Variants in URB1 observed in about 807,000 individuals in gnomAD.
URB1 encodes nucleolar pre-ribosomal-associated protein 1.
URB1 carries 197 observed loss-of-function variants against 242.3 expected under a neutral mutation model. That is an observed-to-expected ratio of 0.81 (90% CI 0.72 to 0.91). The LOEUF is 0.91. Ranked by LOEUF, URB1 falls within the 40% of genes least tolerant of loss-of-function variation. The pLI is 0.00. For synonymous variants in URB1, 1,153 were observed against 1,201.8 expected, an observed-to-expected ratio of 0.96 and a Z score of 0.84; for missense variants, 2,721 against 2,860.5, an observed-to-expected ratio of 0.95 and a Z score of 1.11.
chr21:32,357,327 A>AC (rs1284194122), intron 15 of URB1, among the ~76,000 whole-genome samples: 1 of 152,162 alleles, frequency 6.6e-6, no homozygotes, highest in Non-Finnish European at 1.5e-5. Flanking sequence ...AAAAAAAAAA[A>AC]AAAAACATTT....
intron 15 of URB1, among the ~76,000 whole-genome samples, chr21:32,356,540 A>C (rs1215349346): frequency 6.6e-6 from 1 of 152,184 alleles, no homozygotes; most frequent in Non-Finnish European, 1.5e-5. Flanking sequence ...TAAATGTGTA[A>C]AACTTGACCC....
chr21:32,341,295 CCT>C (rs1398785876), intron 25 of URB1, among the ~76,000 whole-genome samples, 169 bp downstream of exon 25: 5 of 152,128 alleles, frequency 3.3e-5, no homozygotes, highest in East Asian at 1.9e-4. Flanking sequence ...TCAGAAGCAC[CCT>C]GTGTCAAGAG....
intron 37 of URB1, 78 bp downstream of exon 37, chr21:32,317,598 C>CAG: frequency 1.3e-6 from 2 of 1,505,170 alleles, no homozygotes; most frequent in Non-Finnish European, 1.8e-6. Context: ...GGCTGAGAGA[C>CAG]AGAGAGAGAG....
intron 37 of URB1, 95 bp downstream of exon 37, chr21:32,317,581 G>C: frequency 6.8e-7 from 1 of 1,478,386 alleles, no homozygotes; most frequent in Non-Finnish European, 9.0e-7. Flanking sequence ...ATTAGCTTTG[G>C]AAATGTGGCT....
intron 31 of URB1, 98 bp from the exon 32 acceptor site, chr21:32,324,700 G>A (rs1045391562): frequency 1.2e-6 from 1 of 859,466 alleles, no homozygotes; most frequent in Admixed American, 2.1e-5. Context: ...GGCAGGGTGT[G>A]CCTGCTTCTC....
intron 5 of URB1, among the ~76,000 whole-genome samples, chr21:32,376,849 A>C (rs1035399086): frequency 2.6e-5 from 4 of 152,076 alleles, no homozygotes; most frequent in African/African-American, 9.7e-5. Context: ...TGGTAGAGAC[A>C]GAATCTCACT....
At chr21:32,380,506 G>T (rs2033511290) in intron 4 of URB1, among the ~76,000 whole-genome samples, 1 of 152,222 alleles carries the variant, frequency 6.6e-6, no homozygotes, top group Non-Finnish European at 1.5e-5. Context: ...CAACACTCCA[G>T]TGCCTTAACC....
At chr21:32,388,930 G>A (rs530350612) in intron 1 of URB1, among the ~76,000 whole-genome samples, 2 of 152,298 alleles carry the variant, frequency 1.3e-5, no homozygotes, top group South Asian at 2.1e-4. Flanking sequence ...ACGTGCTGAT[G>A]AGCAAATTAG....
At chr21:32,355,057 C>A (rs2033203946) in intron 16 of URB1, 60 bp from the exon 17 acceptor site, 5 of 1,483,044 alleles carry the variant, frequency 3.4e-6, no homozygotes, top group Non-Finnish European at 4.5e-6. Context: ...ATGAAGAAGC[C>A]AAAAAATGTC....
At chr21:32,390,190 G>A (rs890785736) in intron 1 of URB1, among the ~76,000 whole-genome samples, 1 of 152,094 alleles carries the variant, frequency 6.6e-6, no homozygotes, top group African/African-American at 2.4e-5. Flanking sequence ...TGTCAACCTG[G>A]GTCTCCTTCT....
chr21:32,354,560 G>C (rs927633771), intron 17 of URB1, among the ~76,000 whole-genome samples: 1 of 152,138 alleles, frequency 6.6e-6, no homozygotes, highest in East Asian at 1.9e-4. Context: ...TATAAAATGA[G>C]TAGAATAATA....
intron 24 of URB1, among the ~76,000 whole-genome samples, chr21:32,343,202 T>C (rs987609153): frequency 3.3e-5 from 5 of 152,152 alleles, no homozygotes; most frequent in African/African-American, 1.2e-4. Flanking sequence ...TTTGTTTTCT[T>C]CTCTATTTTT....
Position 32,337,387 on chromosome 21 carries a change from AGCCC to A in URB1, c.4621+13_4621+16del, listed in dbSNP as rs746376855. On this transcript the variant is annotated intron_variant, in intron 27 of 38. Coordinates refer to ENST00000382751, the MANE Select transcript of URB1 (RefSeq NM_014825.3). ...CTCCCTCCCCCTGCTCACACTACCC[AGCCC>A]TCACACCCTCACCTAGGACGCTGAG... 6.0e-5 allele frequency: 93 copies of A among 1,545,084 alleles called. 2 individuals carry two copies. The South Asian group carries it at 1.1e-3, about 18-fold the overall frequency.
chr21:32,349,533 C>A, intron 20 of URB1, 50 bp from the exon 21 acceptor site: 1 of 1,481,490 alleles, frequency 6.7e-7, no homozygotes, highest in Non-Finnish European at 9.0e-7. Flanking sequence ...GGGTTCACAG[C>A]TACCAGGCAG....
intron 13 of URB1, 115 bp downstream of exon 13, chr21:32,360,892 A>G (rs2033274994): frequency 1.6e-6 from 1 of 627,626 alleles, no homozygotes; most frequent in Admixed American, 3.6e-5. Flanking sequence ...TCTCAGGCTG[A>G]CGGATGAGCA....
chr21:32,334,334 C>T lies in URB1; in HGVS notation c.4686G>A (p.Arg1562=). Residue 1562 remains arginine, a splice_region_variant and synonymous_variant, in exon 29 of 39, where the codon AGG becomes AGA. Transcript: ENST00000382751. The part of the protein sequence containing the change: ...EQNKLSLINF[R]VLLWGPAAVE... Reference sequence around the variant, plus strand: ...CGGCCGCTGGGCCCCACAGCAGCACCCTAGAGCCAGAAAAGGGAAAAGAGA... The same window carrying T: ...CGGCCGCTGGGCCCCACAGCAGCACTCTAGAGCCAGAAAAGGGAAAAGAGA... The T allele has an allele frequency of 1.9e-6, 3 of 1,542,188 alleles. No homozygotes were observed. The highest frequency in any genetic ancestry group is 2.0e-5 in the Admixed American group (1 of 50,294).
In URB1 at chr21:32,392,768, C is replaced by G; in HGVS notation, c.142+1G>C. The G allele has an allele frequency of 4.8e-6, 7 of 1,471,688 alleles. No individual in the cohort carries two copies. Among genetic ancestry groups the G allele is most frequent in the Non-Finnish European group, 6.3e-6 (7 of 1,110,188 alleles). 91.2% of individuals were successfully genotyped at this position (1,471,688 alleles called of 1,614,324 possible). A position where few individuals can be genotyped will look rare whatever the true frequency, so the allele number is the denominator to read the frequency against. Reference sequence around the variant, plus strand: ...CCCTGCGCCTGCCGCCCCGGACTCACCTGGCCCGGGGCCCTGCGGGTCCTT... The same window carrying G: ...CCCTGCGCCTGCCGCCCCGGACTCAGCTGGCCCGGGGCCCTGCGGGTCCTT... On this transcript the variant is annotated splice_donor_variant, in intron 1 of 38. Transcript: ENST00000382751. LOFTEE classifies it high-confidence loss of function.
At position 32,312,025 on chromosome 21, in the gene URB1, G is replaced by C. The variant is rs1044159110; in HGVS notation, c.*2893C>G. 1.2e-6 allele frequency: 2 copies of C among 1,612,358 alleles called. No homozygotes were observed. The highest frequency in any genetic ancestry group is 1.7e-6 in the Non-Finnish European group (2 of 1,180,022). On this transcript the variant is annotated 3_prime_UTR_variant, in exon 39 of 39. Coordinates refer to ENST00000382751, the MANE Select transcript of URB1 (RefSeq NM_014825.3). ...CAGTAAATCGTGGCCATAGCTGAGT[G>C]AACTGGTGAAATCAAGCCAACCTGG...
intron 2 of URB1, among the ~76,000 whole-genome samples, chr21:32,384,858 G>A (rs1284648261): frequency 6.6e-6 from 1 of 152,232 alleles, no homozygotes; most frequent in Non-Finnish European, 1.5e-5. Context: ...GCGGGCGCCT[G>A]TAGTCCCAGC....
Sources: allele counts gnomAD v4.1 joint callset (sites outside exome capture counted in the v4.1 genomes callset), GRCh38; gene constraint gnomAD v4.1.1; transcripts MANE v1.5; gene names NCBI Gene and HGNC (gene_info 2026-07-23, HGNC 2026-07-21).